Variants in ZZZ3 observed in about 807,000 individuals in gnomAD.
The protein encoded by ZZZ3 is ZZ-type zinc finger-containing protein 3.
In ZZZ3, 22 loss-of-function variants were observed where a neutral mutation model predicts 95.2. The observed-to-expected ratio is 0.23, with a 90% CI of 0.17 to 0.33. The LOEUF is 0.33. ZZZ3 is among the 10% of genes least tolerant of loss of function. The pLI is 1.00. For synonymous variants in ZZZ3, 335 were observed against 358.9 expected (o/e 0.93, Z 0.75); for missense variants, 885 against 1,066.5 (o/e 0.83, Z 2.37).
At position 77,563,146 on chromosome 1, in the gene ZZZ3, TAA is replaced by T. The variant is rs567647955; in HGVS notation, c.*2492_*2493del. 2 of 152,324 alleles carry T rather than the reference TAA, an allele frequency of 1.3e-5. No homozygotes were observed. Among genetic ancestry groups the T allele is most frequent in the South Asian group, 2.1e-4 (1 of 4,828 alleles). 9.4% of individuals were successfully genotyped at this position (152,324 alleles called of 1,614,324 possible). On this transcript the variant is annotated 3_prime_UTR_variant, in exon 15 of 15. Transcript: ENST00000370801. ...ATCTTACAACAATGGTTTTAGATAT[TAA>T]AAGTTTCTTAAGATGTGCAAATAAC...
chr1:77,661,629 C>T (rs974606750), intron 1 of ZZZ3, among the ~76,000 whole-genome samples: 2 of 152,056 alleles, frequency 1.3e-5, no homozygotes, highest in Admixed American at 6.6e-5. Context: ...GAGAGATTAA[C>T]TACTTTTCTC....
intron 1 of ZZZ3, among the ~76,000 whole-genome samples, chr1:77,659,563 T>G (rs1670598545): frequency 6.6e-6 from 1 of 151,230 alleles, no homozygotes; most frequent in Admixed American, 6.6e-5. Context: ...GGCACGTGCC[T>G]GTAATCCTAC....
intron 5 of ZZZ3, among the ~76,000 whole-genome samples, chr1:77,587,473 C>A (rs1255005090): frequency 2.0e-5 from 3 of 152,010 alleles, no homozygotes; most frequent in African/African-American, 7.2e-5. Flanking sequence ...ACCATGTTAG[C>A]CAGGATGTTC....
chr1:77,582,924 G>C (rs560998425), intron 6 of ZZZ3, among the ~76,000 whole-genome samples: 1 of 151,924 alleles, frequency 6.6e-6, no homozygotes, highest in Non-Finnish European at 1.5e-5. Context: ...GGCCAACATG[G>C]TGAAACCCAG....
chr1:77,584,787 A>G (rs1184500853), intron 5 of ZZZ3, 132 bp from the exon 6 acceptor site: 2 of 577,336 alleles, frequency 3.5e-6, no homozygotes, highest in East Asian at 3.2e-5. Flanking sequence ...TTAGTAAAAC[A>G]TATTACTGGG....
chr1:77,670,391 G>T (rs954286243), intron 1 of ZZZ3, among the ~76,000 whole-genome samples: 20 of 151,908 alleles, frequency 1.3e-4, no homozygotes, highest in African/African-American at 4.6e-4. Flanking sequence ...TCACCGAGTA[G>T]CTGGGACTAC....
At chr1:77,680,087 T>C (rs987747664) in intron 1 of ZZZ3, among the ~76,000 whole-genome samples, 1 of 152,214 alleles carries the variant, frequency 6.6e-6, no homozygotes, top group Admixed American at 6.5e-5. Flanking sequence ...TTTTCACAAT[T>C]TCCCACTTCT....
chr1:77,618,096 A>G (rs961275688), intron 5 of ZZZ3, among the ~76,000 whole-genome samples: 1 of 152,144 alleles, frequency 6.6e-6, no homozygotes, highest in Non-Finnish European at 1.5e-5. Context: ...TATTTTATAA[A>G]CAATTGACCA....
chr1:77,659,047 C>A (rs1359800655), intron 1 of ZZZ3, among the ~76,000 whole-genome samples: 1 of 150,968 alleles, frequency 6.6e-6, no homozygotes, highest in South Asian at 2.1e-4. Flanking sequence ...GGAGAAACCC[C>A]GTCTCTACTA....
At chr1:77,596,379 A>G (rs1664216692) in intron 5 of ZZZ3, among the ~76,000 whole-genome samples, 1 of 152,156 alleles carries the variant, frequency 6.6e-6, no homozygotes, top group Admixed American at 6.5e-5. Context: ...AGGATTGCAT[A>G]CATGAAGCAA....
chr1:77,616,042 ACT>A (rs1334022302), intron 5 of ZZZ3, among the ~76,000 whole-genome samples: 1 of 152,180 alleles, frequency 6.6e-6, no homozygotes, highest in African/African-American at 2.4e-5. Flanking sequence ...CACATTATAC[ACT>A]GAGTTATTTT....
rs533239085 is a variant in ZZZ3, at chr1:77,593,947, C to CT, written c.1506-9293dup. On this transcript the variant is annotated intron_variant, in intron 5 of 14. Coordinates refer to ENST00000370801, the MANE Select transcript of ZZZ3 (RefSeq NM_015534.6). ...TGGACAAAATGGATAATTGCAAAAGCTTTTTTTCTAAGCAAAACATTCAAG... is the reference window on the plus strand; with the variant it reads ...TGGACAAAATGGATAATTGCAAAAGCTTTTTTTTCTAAGCAAAACATTCAAG... 1.5e-3 allele frequency among the ~76,000 whole-genome samples: 226 copies of CT among 152,012 alleles called. 1 individual carries two copies. The highest frequency in any genetic ancestry group is 2.4e-3 in the Non-Finnish European group (166 of 67,946).
At chr1:77,599,905 T>C (rs1290908140) in intron 5 of ZZZ3, among the ~76,000 whole-genome samples, 1 of 152,236 alleles carries the variant, frequency 6.6e-6, no homozygotes. Context: ...ATTATATATG[T>C]TATCTATGTT....
At chr1:77,666,786 A>T (rs987589125) in intron 1 of ZZZ3, among the ~76,000 whole-genome samples, 3 of 152,176 alleles carry the variant, frequency 2.0e-5, no homozygotes, top group African/African-American at 7.2e-5. Flanking sequence ...AAAACCAGGG[A>T]AAGTGAAGGA....
rs1198355618 is a variant in ZZZ3, at chr1:77,578,865, G to T, written c.2087C>A (p.Ala696Asp). 1.3e-6 allele frequency: 2 copies of T among 1,551,696 alleles called. No homozygotes were observed. Among genetic ancestry groups the T allele is most frequent in the Non-Finnish European group, 8.7e-7 (1 of 1,154,194 alleles). The change falls in exon 11 of 15, where the codon GCC (alanine) becomes GAC (aspartate). Residue 696 changes from alanine (A) to aspartate (D), a missense_variant. Ala to Asp is a moderately radical substitution (Grantham distance 126). Transcript: ENST00000370801. ...TATGAAATACTTCTGTACTCGGCTG[G>T]CAACCTAAGGAAACATGACAAGTCT... ...ELGNRTAKQV[A>D]SRVQKYFIKL...
intron 1 of ZZZ3, among the ~76,000 whole-genome samples, chr1:77,652,299 T>C (rs1287328585): frequency 6.6e-6 from 1 of 152,154 alleles, no homozygotes; most frequent in Non-Finnish European, 1.5e-5. Context: ...CTTAAACAGA[T>C]ATTTCTGCAA....
chr1:77,679,010 C>A (rs1161263153), intron 1 of ZZZ3, among the ~76,000 whole-genome samples: 2 of 152,088 alleles, frequency 1.3e-5, no homozygotes, highest in African/African-American at 2.4e-5. Flanking sequence ...CAACTCACTC[C>A]TCTCTAATAA....
At chr1:77,667,851 C>T (rs377333373) in intron 1 of ZZZ3, among the ~76,000 whole-genome samples, 1 of 150,666 alleles carries the variant, frequency 6.6e-6, no homozygotes, top group Admixed American at 6.6e-5. Flanking sequence ...CTGCAACCTC[C>T]ACCTACTGGG....
At chr1:77,616,647 G>A (rs951020654) in intron 5 of ZZZ3, among the ~76,000 whole-genome samples, 6 of 152,092 alleles carry the variant, frequency 3.9e-5, no homozygotes, top group Admixed American at 2.0e-4. Flanking sequence ...GGTGGATCAC[G>A]AGGTCAGGAG....
Sources: allele counts gnomAD v4.1 joint callset (sites outside exome capture counted in the v4.1 genomes callset), GRCh38; gene constraint gnomAD v4.1.1; transcripts MANE v1.5; gene names NCBI Gene and HGNC (gene_info 2026-07-23, HGNC 2026-07-21).